The following GRIN2A variants were observed in gnomAD, a reference collection of about 807,000 sequenced individuals.
GRIN2A encodes the protein glutamate receptor ionotropic, NMDA 2A.
A neutral mutation model predicts 113.4 loss-of-function variants in GRIN2A; 22 were observed. The ratio of observed to expected loss-of-function variants is 0.19; its 90% CI spans 0.14 to 0.28. GRIN2A has a LOEUF of 0.28. GRIN2A is among the 10% of genes least tolerant of loss of function. The pLI is 1.00. For synonymous variants in GRIN2A, 827 were observed against 738.4 expected (o/e 1.12, Z -1.94); for missense variants, 1,502 against 1,887.0 (o/e 0.80, Z 3.78).
chr16:9,947,116 C>T (rs542331066), intron 2 of GRIN2A, among the ~76,000 whole-genome samples: 13 of 152,180 alleles, frequency 8.5e-5, no homozygotes, highest in Admixed American at 1.3e-4. Flanking sequence ...GTGCATCTCT[C>T]TTCATCATCC....
intron 2 of GRIN2A, among the ~76,000 whole-genome samples, chr16:10,049,644 G>C (rs1304378766): frequency 1.3e-5 from 2 of 152,296 alleles, no homozygotes; most frequent in Admixed American, 1.3e-4. Flanking sequence ...CTCCCAAAGT[G>C]CTGGGATTAC....
chr16:9,898,548 T>A (rs2043852971), intron 3 of GRIN2A, among the ~76,000 whole-genome samples: 1 of 152,208 alleles, frequency 6.6e-6, no homozygotes, highest in Non-Finnish European at 1.5e-5. Context: ...TCTCTTACTG[T>A]TTCACAAATG....
intron 4 of GRIN2A, among the ~76,000 whole-genome samples, chr16:9,850,682 C>G (rs1038068506): frequency 6.6e-6 from 1 of 152,072 alleles, no homozygotes; most frequent in Non-Finnish European, 1.5e-5. Flanking sequence ...AGATACAGTT[C>G]TATTTAAGTT....
rs1465375547 is a variant in GRIN2A, at chr16:10,178,591, G to C, written c.414+1407C>G. The stretch of plus-strand genomic sequence containing the variant: ...GCCCCCCAAAACTGAGAAGTGACTG[G>C]GAAAATGCTCAGCTACACACAGGAA... On this transcript the variant is annotated intron_variant, in intron 2 of 12. Transcript: ENST00000330684. Among the ~76,000 whole-genome samples the C allele has an allele frequency of 2.6e-5, 4 of 152,172 alleles. No individual in the cohort carries two copies. The East Asian group carries it at 7.7e-4, about 29-fold the overall frequency.
At chr16:10,052,076 A>G (rs2047369160) in intron 2 of GRIN2A, among the ~76,000 whole-genome samples, 1 of 152,256 alleles carries the variant, frequency 6.6e-6, no homozygotes, top group South Asian at 2.1e-4. Flanking sequence ...TCTCTGAAAG[A>G]CAAGGATAGT....
In GRIN2A at chr16:9,892,750, C is replaced by T. The variant is rs372647708; in HGVS notation, c.1008-1650G>A. On this transcript the variant is annotated intron_variant, in intron 3 of 12. Transcript: ENST00000330684. ...CGGGTGAGAGGTTCCCCAAGGGATC[C>T]GCTCTCCTTGCAGCTTGAGAAAAAT... Among the ~76,000 whole-genome samples, 198 of 152,090 alleles carry T rather than the reference C, an allele frequency of 1.3e-3. 2 individuals carry two copies. Among genetic ancestry groups the T allele is most frequent in the African/African-American group, 4.2e-3 (176 of 41,508 alleles).
intron 4 of GRIN2A, among the ~76,000 whole-genome samples, chr16:9,879,553 T>G (rs1184876749): frequency 1.3e-5 from 2 of 152,304 alleles, no homozygotes; most frequent in East Asian, 1.9e-4. Context: ...CTCTCTTCCC[T>G]CTAACCCAAG....
intron 2 of GRIN2A, among the ~76,000 whole-genome samples, chr16:10,120,177 A>G (rs2048807278): frequency 6.6e-6 from 1 of 152,208 alleles, no homozygotes; most frequent in South Asian, 2.1e-4. Context: ...CAATGGCTGA[A>G]CAAATTTACA....
At chr16:10,129,857 G>A (rs989709032) in intron 2 of GRIN2A, among the ~76,000 whole-genome samples, 1 of 152,222 alleles carries the variant, frequency 6.6e-6, no homozygotes, top group Non-Finnish European at 1.5e-5. Flanking sequence ...TGTCAAAGCT[G>A]GAAGAAGATA....
intron 2 of GRIN2A, among the ~76,000 whole-genome samples, chr16:10,012,852 T>C (rs1462075951): frequency 2.0e-5 from 3 of 152,210 alleles, no homozygotes. Flanking sequence ...CCATTTCAGC[T>C]TTCTGACCTG....
intron 3 of GRIN2A, among the ~76,000 whole-genome samples, chr16:9,934,855 T>C (rs1023943452): frequency 9.9e-5 from 15 of 151,902 alleles, no homozygotes; most frequent in African/African-American, 3.6e-4. Context: ...AGACTGCTTG[T>C]GCCTTATCCA....
intron 2 of GRIN2A, among the ~76,000 whole-genome samples, chr16:10,166,026 T>C (rs1441368278): frequency 6.6e-6 from 1 of 152,150 alleles, no homozygotes; most frequent in Admixed American, 6.5e-5. Context: ...CACAGCTTCT[T>C]CACATCGTTC....
At chr16:9,800,534 G>A (rs141697370) in intron 10 of GRIN2A, among the ~76,000 whole-genome samples, 7 of 152,232 alleles carry the variant, frequency 4.6e-5, no homozygotes, top group Middle Eastern at 3.4e-3. Context: ...GACAGCTGCC[G>A]AAGGACTCCC....
At chr16:9,882,760 G>A (rs1224148522) in intron 4 of GRIN2A, among the ~76,000 whole-genome samples, 1 of 152,100 alleles carries the variant, frequency 6.6e-6, no homozygotes, top group Non-Finnish European at 1.5e-5. Context: ...ACTCCAGCCT[G>A]GTAACAGAGT....
chr16:10,118,120 C>T (rs2142170000), intron 2 of GRIN2A, among the ~76,000 whole-genome samples: 1 of 152,300 alleles, frequency 6.6e-6, no homozygotes, highest in East Asian at 1.9e-4. Context: ...TCTTTGCCAT[C>T]ACTTAAGGAG....
chr16:9,984,145 A>C (rs1215958749), intron 2 of GRIN2A, among the ~76,000 whole-genome samples: 1 of 152,124 alleles, frequency 6.6e-6, no homozygotes, highest in Non-Finnish European at 1.5e-5. Context: ...ATGATTAGTG[A>C]TGTCAAGTAT....
intron 2 of GRIN2A, among the ~76,000 whole-genome samples, chr16:10,049,805 A>G (rs1438051277): frequency 2.0e-5 from 3 of 152,196 alleles, no homozygotes; most frequent in African/African-American, 7.2e-5. Flanking sequence ...AAGCTCTATA[A>G]TGGCAGAACA....
chr16:9,938,254 G>C lies in GRIN2A; in HGVS notation c.712C>G (p.Leu238Val), dbSNP rs899780729. 24 of 1,614,108 alleles carry C rather than the reference G, an allele frequency of 1.5e-5. No individual in the cohort carries two copies. Among genetic ancestry groups the C allele is most frequent in the Non-Finnish European group, 1.9e-5 (23 of 1,179,972 alleles). The part of the protein sequence containing the change: ...LLYCSKDEAV[L>V]ILSEARSLGL... ...AGGGAGCGGGCCTCACTCAGAATGA[G>C]AACAGCCTCGTCTTTGGAACAGTAG... The change falls in exon 3 of 13, where the codon CTC (leucine) becomes GTC (valine). Residue 238 changes from leucine (L) to valine (V), a missense_variant. Transcript: ENST00000330684.
At chr16:9,905,424 A>G (rs889992099) in intron 3 of GRIN2A, among the ~76,000 whole-genome samples, 9 of 152,218 alleles carry the variant, frequency 5.9e-5, no homozygotes, top group African/African-American at 2.2e-4. Flanking sequence ...GATAATATCA[A>G]TGAGTAAAAC....
Sources: gnomAD v4.1 joint callset for allele counts (sites outside exome capture counted in the v4.1 genomes callset) on GRCh38, gnomAD v4.1.1 for gene constraint, MANE v1.5 for transcripts, NCBI Gene and HGNC (gene_info 2026-07-23, HGNC 2026-07-21) for gene names.